DKK2: variants seen among roughly 807,000 people sequenced by gnomAD.
The protein encoded by DKK2 is dickkopf Wnt signaling pathway inhibitor 2.
A neutral mutation model predicts 28.1 loss-of-function variants in DKK2; 11 were observed. The observed-to-expected ratio is 0.39, with a 90% CI of 0.25 to 0.65. The LOEUF is 0.65. Ranked by LOEUF, DKK2 falls within the 30% of genes least tolerant of loss-of-function variation. DKK2 has a pLI of 0.47. For missense variants in DKK2, 326 were observed against 335.5 expected, an observed-to-expected ratio of 0.97 and a Z score of 0.22; for synonymous variants, 135 against 126.5, an observed-to-expected ratio of 1.07 and a Z score of -0.45.
chr4:106,968,391 G>T (rs995653527), intron 1 of DKK2, among the ~76,000 whole-genome samples: 1 of 152,048 alleles, frequency 6.6e-6, no homozygotes, highest in Admixed American at 6.6e-5. Context: ...TAATCAACTT[G>T]CTTAAGGTGA....
chr4:107,027,893 A>T (rs1578383883), intron 1 of DKK2, among the ~76,000 whole-genome samples: 1 of 151,880 alleles, frequency 6.6e-6, no homozygotes, highest in African/African-American at 2.4e-5. Flanking sequence ...CTGGGACTAC[A>T]GGCGCCTGCC....
intron 1 of DKK2, among the ~76,000 whole-genome samples, chr4:106,989,825 G>A (rs1723178972): frequency 6.6e-6 from 1 of 152,144 alleles, no homozygotes; most frequent in Non-Finnish European, 1.5e-5. Context: ...TATAATAATG[G>A]TGAAAGCTTA....
At chr4:107,001,081 C>A (rs530772169) in intron 1 of DKK2, among the ~76,000 whole-genome samples, 37 of 151,764 alleles carry the variant, frequency 2.4e-4, no homozygotes, top group Non-Finnish European at 4.0e-4. Context: ...AAACAAAAAC[C>A]AAAAGGGGGA....
intron 1 of DKK2, among the ~76,000 whole-genome samples, chr4:107,006,798 A>G (rs1402823876): frequency 6.6e-6 from 1 of 152,204 alleles, no homozygotes; most frequent in East Asian, 1.9e-4. Context: ...ACTGTTAAAT[A>G]AAAACCTTTT....
At chr4:106,973,430 T>C in intron 1 of DKK2, among the ~76,000 whole-genome samples, 1 of 152,234 alleles carries the variant, frequency 6.6e-6, no homozygotes, top group South Asian at 2.1e-4. Flanking sequence ...ATTGCCATTC[T>C]AACTGGAGTG....
chr4:107,010,345 T>A (rs1370519325), intron 1 of DKK2, among the ~76,000 whole-genome samples: 1 of 151,732 alleles, frequency 6.6e-6, no homozygotes, highest in African/African-American at 2.4e-5. Context: ...AGATAATAAT[T>A]CTATTCCTAT....
At position 106,923,624 on chromosome 4, in the gene DKK2, C is replaced by T. The variant is rs1724380821; in HGVS notation, c.*330G>A. On this transcript the variant is annotated 3_prime_UTR_variant, in exon 4 of 4. Transcript: ENST00000285311. ...CAGCAATCTGAAGGAAACCTCTCCT[C>T]CAGCACAACCTAAACTCTTGGAAAG... 2 of 227,632 alleles carry T rather than the reference C, an allele frequency of 8.8e-6. No individual in the cohort carries two copies. The allele number at this position is 227,632 out of a possible 1,614,324, so 14.1% of individuals were successfully genotyped here.
intron 1 of DKK2, among the ~76,000 whole-genome samples, chr4:106,964,942 T>TATAGATAGATA (rs1158050179): frequency 3.5e-5 from 5 of 143,398 alleles, no homozygotes; most frequent in Non-Finnish European, 7.8e-5. Context: ...GATGATAGAT[T>TATAGATAGATA]AGATATAGAT....
chr4:106,996,594 G>A (rs1038432021), intron 1 of DKK2, among the ~76,000 whole-genome samples: 1 of 152,110 alleles, frequency 6.6e-6, no homozygotes, highest in Non-Finnish European at 1.5e-5. Flanking sequence ...AAATTACAGG[G>A]TCATGGGATG....
In DKK2 at chr4:106,925,807, C is replaced by T. The variant is rs1190935277; in HGVS notation, c.365G>A (p.Cys122Tyr). ...TTAGTGAGATCTTTTACCATTATTG[C>T]AGCGGGTACTGGGGCAGCACATGCC... The part of the protein sequence containing the change: ...RDGMCCPSTR[C>Y]NNGICIPVTE... The change falls in exon 2 of 4, where the codon TGC becomes TAC. Residue 122 changes from cysteine (C) to tyrosine (Y), a missense_variant. Coordinates refer to ENST00000285311, the MANE Select transcript of DKK2 (RefSeq NM_014421.3). The T allele has an allele frequency of 2.5e-6, 4 of 1,607,682 alleles. No homozygotes were observed. The highest frequency in any genetic ancestry group is 3.4e-6 in the Non-Finnish European group (4 of 1,177,618).
intron 1 of DKK2, among the ~76,000 whole-genome samples, chr4:106,952,197 A>G (rs1724870460): frequency 1.3e-5 from 2 of 152,156 alleles, no homozygotes; most frequent in African/African-American, 4.8e-5. Flanking sequence ...TATAAAAAGT[A>G]AAAATCTATT....
At chr4:106,958,683 A>G (rs1722639991) in intron 1 of DKK2, among the ~76,000 whole-genome samples, 1 of 151,858 alleles carries the variant, frequency 6.6e-6, no homozygotes, top group Non-Finnish European at 1.5e-5. Flanking sequence ...TAAAAATGCA[A>G]AAAATTAGCC....
intron 1 of DKK2, among the ~76,000 whole-genome samples, chr4:106,965,104 A>G (rs1306433618): frequency 3.9e-5 from 6 of 152,094 alleles, no homozygotes; most frequent in African/African-American, 1.4e-4. Context: ...GTAAAATAAG[A>G]AATATATTTA....
chr4:107,035,668 G>A lies in DKK2; in HGVS notation c.-77C>T, dbSNP rs566892644. On this transcript the variant is annotated 5_prime_UTR_variant, in exon 1 of 4. Transcript: ENST00000285311. ...GCAAAGGGAGGGAGGACCCCAACAC[G>A]GGGCCCCTCACTTGGGTCGCGGGGG... 2.4e-5 allele frequency: 36 copies of A among 1,520,112 alleles called. No individual in the cohort carries two copies. The highest frequency in any genetic ancestry group is 1.0e-4 in the South Asian group (9 of 87,024). 94.2% of individuals were successfully genotyped at this position (1,520,112 alleles called of 1,614,324 possible).
chr4:107,018,556 C>A (rs1431796908), intron 1 of DKK2, among the ~76,000 whole-genome samples: 1 of 152,078 alleles, frequency 6.6e-6, no homozygotes, highest in Non-Finnish European at 1.5e-5. Context: ...CTCCTTTAGT[C>A]AGCCGTTGGC....
At chr4:106,933,272 A>T (rs1414664559) in intron 1 of DKK2, among the ~76,000 whole-genome samples, 1 of 152,220 alleles carries the variant, frequency 6.6e-6, no homozygotes, top group Non-Finnish European at 1.5e-5. Flanking sequence ...TATAAAATGC[A>T]ACTCAGTATT....
At chr4:106,934,946 T>C (rs1452488041) in intron 1 of DKK2, among the ~76,000 whole-genome samples, 1 of 152,176 alleles carries the variant, frequency 6.6e-6, no homozygotes, top group East Asian at 1.9e-4. Flanking sequence ...GCAGGAAGCA[T>C]TTTATCCCTC....
intron 1 of DKK2, among the ~76,000 whole-genome samples, chr4:106,940,231 A>G (rs1724672619): frequency 6.6e-6 from 1 of 152,248 alleles, no homozygotes; most frequent in South Asian, 2.1e-4. Flanking sequence ...GCTAATATCC[A>G]GAATCTACAA....
chr4:106,982,291 A>T (rs560853685), intron 1 of DKK2, among the ~76,000 whole-genome samples: 194 of 152,296 alleles, frequency 1.3e-3, no homozygotes, highest in Non-Finnish European at 2.4e-3. Context: ...GGAAAGAGAT[A>T]AGGAGAGAAA....
Sources: allele counts gnomAD v4.1 joint callset (sites outside exome capture counted in the v4.1 genomes callset), GRCh38; gene constraint gnomAD v4.1.1; transcripts MANE v1.5; gene names NCBI Gene and HGNC (gene_info 2026-07-23, HGNC 2026-07-21).